The following DLG2 variants were observed in gnomAD, a reference collection of about 807,000 sequenced individuals.
DLG2 encodes discs large MAGUK scaffold protein 2.
DLG2 carries 45 observed loss-of-function variants against 132.5 expected under a neutral mutation model. That is an observed-to-expected ratio of 0.34 (90% CI 0.27 to 0.44). The LOEUF (loss-of-function observed/expected upper bound fraction) is 0.44. DLG2 is among the 20% of genes least tolerant of loss of function. DLG2 has a pLI of 1.00. For missense variants in DLG2, 1,045 were observed against 1,196.9 expected, an observed-to-expected ratio of 0.87 and a Z score of 1.87; for synonymous variants, 424 against 419.6, an observed-to-expected ratio of 1.01 and a Z score of -0.13.
intron 6 of DLG2, among the ~76,000 whole-genome samples, chr11:84,960,419 C>A (rs1013632009): frequency 1.3e-5 from 2 of 151,692 alleles, no homozygotes; most frequent in African/African-American, 4.8e-5. Flanking sequence ...ATTTCTATAA[C>A]AAAATGTAAA....
intron 6 of DLG2, among the ~76,000 whole-genome samples, chr11:85,049,957 A>G (rs919972829): frequency 1.9e-4 from 29 of 152,056 alleles, no homozygotes; most frequent in Admixed American, 6.6e-4. Flanking sequence ...ACCTAATTTG[A>G]ACCTATACAT....
rs528111502 is a variant in DLG2, at chr11:85,278,018, G to C, written c.186+7202C>G. Among the ~76,000 whole-genome samples, 134 of 152,178 alleles carry C rather than the reference G, an allele frequency of 8.8e-4. 1 individual carries two copies. The South Asian group carries it at 0.026, about 30-fold the overall frequency. ...AAAAGCATTTAAATGCTATAGTATT[G>C]CAATTAAGGCTCTCAAGCAGACAGC... On this transcript the variant is annotated intron_variant, in intron 4 of 27. Coordinates refer to ENST00000376104, the MANE Select transcript of DLG2 (RefSeq NM_001142699.3).
intron 6 of DLG2, among the ~76,000 whole-genome samples, chr11:85,075,480 T>C (rs1593704202): frequency 6.6e-6 from 1 of 152,032 alleles, no homozygotes; most frequent in East Asian, 1.9e-4. Context: ...TCACATATAA[T>C]GTGGTAAATC....
chr11:85,395,748 C>A (rs2087284890), intron 3 of DLG2, among the ~76,000 whole-genome samples: 1 of 152,132 alleles, frequency 6.6e-6, no homozygotes, highest in South Asian at 2.1e-4. Context: ...ACAGTGTAAA[C>A]AAAGAGGCCA....
At chr11:84,359,346 C>A (rs1441899734) in intron 7 of DLG2, among the ~76,000 whole-genome samples, 1 of 151,834 alleles carries the variant, frequency 6.6e-6, no homozygotes, top group South Asian at 2.1e-4. Flanking sequence ...AATCTTAACA[C>A]CCCATCTCTG....
At chr11:85,317,596 C>T (rs573397694) in intron 3 of DLG2, among the ~76,000 whole-genome samples, 13 of 151,958 alleles carry the variant, frequency 8.6e-5, no homozygotes, top group South Asian at 2.1e-4. Context: ...TCTTTTGTTC[C>T]TTCCTCCAAG....
chr11:84,199,849 A>T (rs2096569027), intron 8 of DLG2, among the ~76,000 whole-genome samples: 1 of 152,100 alleles, frequency 6.6e-6, no homozygotes, highest in Admixed American at 6.5e-5. Flanking sequence ...GGAGTCTCAG[A>T]AAAGAAAAAG....
intron 5 of DLG2, among the ~76,000 whole-genome samples, chr11:85,151,481 T>C (rs1321337815): frequency 6.6e-6 from 1 of 152,160 alleles, no homozygotes; most frequent in Non-Finnish European, 1.5e-5. Flanking sequence ...ATTAGTTTTA[T>C]AGTTTAAATA....
intron 8 of DLG2, among the ~76,000 whole-genome samples, chr11:84,224,112 T>G (rs1346603192): frequency 6.6e-6 from 1 of 152,310 alleles, no homozygotes; most frequent in Non-Finnish European, 1.5e-5. Flanking sequence ...CTGTCCCCAC[T>G]GTTCCCCAGA....
intron 7 of DLG2, among the ~76,000 whole-genome samples, chr11:84,302,608 A>G (rs1023727415): frequency 6.6e-6 from 1 of 152,206 alleles, no homozygotes; most frequent in Non-Finnish European, 1.5e-5. Context: ...CATTAACTGT[A>G]GTTAACTCTA....
At chr11:83,759,237 G>A (rs1374355353) in intron 18 of DLG2, among the ~76,000 whole-genome samples, 3 of 152,224 alleles carry the variant, frequency 2.0e-5, no homozygotes, top group Admixed American at 6.5e-5. Flanking sequence ...GGAGACTTGA[G>A]CTGTCCTGGA....
intron 4 of DLG2, among the ~76,000 whole-genome samples, chr11:85,206,991 G>A (rs775029340): frequency 2.6e-5 from 4 of 151,992 alleles, no homozygotes; most frequent in Non-Finnish European, 5.9e-5. Context: ...AGTTCTAATG[G>A]TATAATTCAT....
At chr11:83,639,188 GC>G (rs1369235480) in intron 18 of DLG2, among the ~76,000 whole-genome samples, 1 of 152,168 alleles carries the variant, frequency 6.6e-6, no homozygotes, top group African/African-American at 2.4e-5. Context: ...GCCATGGCCT[GC>G]CCTCCCCCTT....
At chr11:85,394,134 G>C (rs2087065055) in intron 3 of DLG2, among the ~76,000 whole-genome samples, 1 of 152,128 alleles carries the variant, frequency 6.6e-6, no homozygotes, top group African/African-American at 2.4e-5. Context: ...CTTAACTTCT[G>C]TTCCTTTTTA....
At chr11:84,111,073 A>G (rs763539091) in intron 9 of DLG2, among the ~76,000 whole-genome samples, 10 of 152,084 alleles carry the variant, frequency 6.6e-5, no homozygotes, top group Non-Finnish European at 1.0e-4. Flanking sequence ...CACACAGCAC[A>G]TTGTTTTGTA....
intron 6 of DLG2, among the ~76,000 whole-genome samples, chr11:84,765,066 T>C (rs1461014602): frequency 6.6e-6 from 1 of 152,156 alleles, no homozygotes; most frequent in East Asian, 1.9e-4. Context: ...ACCTTTCATA[T>C]TATTTATTGT....
intron 6 of DLG2, among the ~76,000 whole-genome samples, chr11:84,777,788 T>C (rs1224536247): frequency 1.3e-5 from 2 of 152,158 alleles, no homozygotes; most frequent in Non-Finnish European, 2.9e-5. Context: ...CTTTGCCCAC[T>C]TTTTAATGGG....
At chr11:85,228,819 T>G (rs2075126440) in intron 4 of DLG2, among the ~76,000 whole-genome samples, 1 of 151,740 alleles carries the variant, frequency 6.6e-6, no homozygotes, top group African/African-American at 2.4e-5. Flanking sequence ...TATCCTATTT[T>G]TATTAATGTA....
chr11:83,947,390 A>G (rs2084296739), intron 14 of DLG2, among the ~76,000 whole-genome samples: 1 of 152,218 alleles, frequency 6.6e-6, no homozygotes, highest in Non-Finnish European at 1.5e-5. Flanking sequence ...TAGAGAAAAC[A>G]TCACTGAATC....
Sources: gnomAD v4.1 joint callset for allele counts (sites outside exome capture counted in the v4.1 genomes callset) on GRCh38, gnomAD v4.1.1 for gene constraint, MANE v1.5 for transcripts, NCBI Gene and HGNC (gene_info 2026-07-23, HGNC 2026-07-21) for gene names.